Variants in ADARB1 observed in about 807,000 individuals in gnomAD.
ADARB1 encodes the protein double-stranded RNA-specific editase 1.
ADARB1 carries 10 observed loss-of-function variants against 52.4 expected under a neutral mutation model. The ratio of observed to expected loss-of-function variants is 0.19; its 90% CI spans 0.12 to 0.32. ADARB1 has a LOEUF of 0.32. Among genes scored for constraint, ADARB1 ranks in the 10% least tolerant of loss-of-function variants. The pLI is 1.00. For missense variants in ADARB1, 643 were observed against 922.3 expected, an observed-to-expected ratio of 0.70 and a Z score of 3.92; for synonymous variants, 349 against 371.1, an observed-to-expected ratio of 0.94 and a Z score of 0.68.
intron 7 of ADARB1, among the ~76,000 whole-genome samples, chr21:45,184,042 G>A (rs897310527): frequency 6.6e-6 from 1 of 151,978 alleles, no homozygotes; most frequent in South Asian, 2.1e-4. Context: ...CAAATAGAAC[G>A]TTTTATTACA....
Position 45,153,495 on chromosome 21 carries a change from G to T in ADARB1, c.-47-18115G>T, listed in dbSNP as rs115259975. Among the ~76,000 whole-genome samples the T allele has an allele frequency of 4.2e-3, 633 of 152,270 alleles. 5 individuals carry two copies. Among genetic ancestry groups the T allele is most frequent in the African/African-American group, 0.014 (599 of 41,546 alleles). On this transcript the variant is annotated intron_variant, in intron 2 of 10. Coordinates refer to ENST00000348831, the MANE Select transcript of ADARB1 (RefSeq NM_001112.4). The stretch of plus-strand genomic sequence containing the variant: ...CCCCTTAGTGTCCCCCACCCGACAG[G>T]ACTGGAGTACAGCGCTTCACCACCA...
intron 1 of ADARB1, among the ~76,000 whole-genome samples, chr21:45,125,571 G>A (rs1004387581): frequency 1.3e-5 from 2 of 152,244 alleles, no homozygotes; most frequent in African/African-American, 4.8e-5. Context: ...TGCGTTCAAT[G>A]GGCCAGAGCA....
chr21:45,141,580 T>C (rs894118627), intron 2 of ADARB1, among the ~76,000 whole-genome samples: 1 of 152,126 alleles, frequency 6.6e-6, no homozygotes, highest in Admixed American at 6.5e-5. Flanking sequence ...TAGGTTTGAG[T>C]TGTCCTCTGC....
At chr21:45,188,927 C>T (rs1169664439) in intron 8 of ADARB1, among the ~76,000 whole-genome samples, 1 of 152,190 alleles carries the variant, frequency 6.6e-6, no homozygotes, top group Non-Finnish European at 1.5e-5. Context: ...GGGGAGGCCT[C>T]ACAATCATGG....
chr21:45,123,571 C>A (rs933546656), intron 1 of ADARB1, among the ~76,000 whole-genome samples: 1 of 152,210 alleles, frequency 6.6e-6, no homozygotes, highest in African/African-American at 2.4e-5. Context: ...TCCCAAAGTG[C>A]TGGGCTTACA....
intron 3 of ADARB1, chr21:45,171,890 A>G (rs764111661): frequency 2.1e-5 from 12 of 559,818 alleles, no homozygotes; most frequent in African/African-American, 1.2e-4. Flanking sequence ...CTTCCTCGTT[A>G]TCGTCGTGGG....
At position 45,176,172 on chromosome 21, in the gene ADARB1, G is replaced by A; in HGVS notation, c.471G>A (p.Arg157=). 13 of 1,614,192 alleles carry A rather than the reference G, an allele frequency of 8.1e-6. No homozygotes were observed. The highest frequency in any genetic ancestry group is 1.1e-5 in the Non-Finnish European group (13 of 1,180,054). The change falls in exon 4 of 11, where the codon AGG becomes AGA. Residue 157 remains arginine, a synonymous_variant. Coordinates refer to ENST00000348831, the MANE Select transcript of ADARB1 (RefSeq NM_001112.4). The surrounding 1 kb of genome is among the most constrained non-coding windows in gnomAD (Gnocchi z 5.8). ...CTGAGGCCCACCTGGCCATGGGGAG[G>A]ACCCTGTCTGTCAACACGGACTTCA... The part of the protein sequence containing the change: ...NASEAHLAMG[R]TLSVNTDFTS...
chr21:45,128,312 A>G lies in ADARB1; in HGVS notation c.-219-90A>G, dbSNP rs1167126095. 6.6e-6 allele frequency: 1 copy of G among 152,228 alleles called. No individual in the cohort carries two copies. Among genetic ancestry groups the G allele is most frequent in the East Asian group, 1.9e-4 (1 of 5,196 alleles). The allele number at this position is 152,228 out of a possible 1,614,324, so 9.4% of individuals were successfully genotyped here. ...AGAAGACTTTTCATGGAGAGTATTT[A>G]TTGTTATAGAGTTCACTTCTGAAAT... On this transcript the variant is annotated intron_variant, in intron 1 of 10. Transcript: ENST00000348831. This position sits in a 1 kb window ranked among gnomAD's most constrained non-coding sequence, Gnocchi z 4.6.
chr21:45,137,864 C>A (rs1472035012), intron 2 of ADARB1, among the ~76,000 whole-genome samples: 1 of 151,472 alleles, frequency 6.6e-6, no homozygotes, highest in African/African-American at 2.4e-5. Flanking sequence ...GAGGTGGGCA[C>A]CCCAGGCAGG....
intron 9 of ADARB1, among the ~76,000 whole-genome samples, chr21:45,206,118 G>A (rs1448879424): frequency 2.0e-5 from 3 of 152,226 alleles, no homozygotes; most frequent in Non-Finnish European, 4.4e-5. Flanking sequence ...ATTTTGTTGT[G>A]TATTGGTGTG....
rs996718601 is a variant in ADARB1, at chr21:45,221,715, A to T, written c.1927-303A>T. 6.6e-6 allele frequency among the ~76,000 whole-genome samples: 1 copy of T among 152,196 alleles called. No individual in the cohort carries two copies. Among genetic ancestry groups the T allele is most frequent in the Non-Finnish European group, 1.5e-5 (1 of 68,034 alleles). On this transcript the variant is annotated intron_variant, in intron 10 of 10. Transcript: ENST00000348831. This position sits in a 1 kb window ranked among gnomAD's most constrained non-coding sequence, Gnocchi z 4.9. Reference sequence around the variant, plus strand: ...ACACATAACATCCGTGGTGCTTCTTAGAGTTAAAAATGAAACGTGAATCCA... The same window carrying T: ...ACACATAACATCCGTGGTGCTTCTTTGAGTTAAAAATGAAACGTGAATCCA...
rs2092698041 is a variant in ADARB1 at position 45,208,032 on chromosome 21, C to A, written c.1747+3296C>A. 6.6e-6 allele frequency among the ~76,000 whole-genome samples: 1 copy of A among 152,182 alleles called. No homozygotes were observed. The highest frequency in any genetic ancestry group is 1.5e-5 in the Non-Finnish European group (1 of 68,028). ...CCTTTGTGGGTATACACACTTGGTA[C>A]CCTTGCTTAGCACTGTGGAAGAGGA... On this transcript the variant is annotated intron_variant, in intron 9 of 10. Coordinates refer to ENST00000348831, the MANE Select transcript of ADARB1 (RefSeq NM_001112.4). The surrounding 1 kb of genome is among the most constrained non-coding windows in gnomAD (Gnocchi z 5.6).
Position 45,224,936 on chromosome 21 carries a change from ACT to A in ADARB1, c.*2743_*2744del. On this transcript the variant is annotated 3_prime_UTR_variant, in exon 11 of 11. Coordinates refer to ENST00000348831, the MANE Select transcript of ADARB1 (RefSeq NM_001112.4). ...ACTATAGCTGTTTCATTGACGTGTC[ACT>A]CTCCATCCAGTGTCCTTGATGTGGC... The A allele has an allele frequency of 2.0e-6, 2 of 982,814 alleles. No homozygotes were observed. Among genetic ancestry groups the A allele is most frequent in the Non-Finnish European group, 1.2e-6 (1 of 829,644 alleles). 60.9% of individuals were successfully genotyped at this position (982,814 alleles called of 1,614,324 possible). A position where few individuals can be genotyped will look rare whatever the true frequency, so the allele number is the denominator to read the frequency against.
At chr21:45,101,403 T>C (rs891696893) in intron 1 of ADARB1, among the ~76,000 whole-genome samples, 4 of 152,236 alleles carry the variant, frequency 2.6e-5, no homozygotes, top group Admixed American at 6.5e-5. Context: ...AGAGGATCTC[T>C]CCAGACACCT....
intron 1 of ADARB1, among the ~76,000 whole-genome samples, chr21:45,076,027 A>G (rs2085919648): frequency 6.6e-6 from 1 of 152,136 alleles, no homozygotes; most frequent in South Asian, 2.1e-4. Flanking sequence ...TATTGCTTCG[A>G]AAGGTGCCAC....
At chr21:45,162,122 G>A (rs1009071813) in intron 2 of ADARB1, among the ~76,000 whole-genome samples, 2 of 152,304 alleles carry the variant, frequency 1.3e-5, no homozygotes, top group Middle Eastern at 6.8e-3. Context: ...AGGAGAGAAG[G>A]AGAGAAGAGC....
At chr21:45,090,115 A>G (rs1188753695) in intron 1 of ADARB1, among the ~76,000 whole-genome samples, 1 of 152,180 alleles carries the variant, frequency 6.6e-6, no homozygotes, top group Non-Finnish European at 1.5e-5. Context: ...TTTGTCCAAA[A>G]TAATCTTTAT....
At chr21:45,169,179 C>G (rs190038046) in intron 2 of ADARB1, among the ~76,000 whole-genome samples, 3 of 152,138 alleles carry the variant, frequency 2.0e-5, no homozygotes, top group African/African-American at 7.2e-5. Flanking sequence ...TGCACTGTGG[C>G]GTGGGAAGGG....
In ADARB1 at chr21:45,074,791, G is replaced by A. The variant is rs1360735006; in HGVS notation, c.-222G>A. On this transcript the variant is annotated splice_region_variant and 5_prime_UTR_variant, in exon 1 of 11. Coordinates refer to ENST00000348831, the MANE Select transcript of ADARB1 (RefSeq NM_001112.4). The stretch of plus-strand genomic sequence containing the variant: ...GACCAGGCGCGGCGCGGCTGCGGCT[G>A]AGGTGAGGGCGGCGCGGGGCCGCGG... 3.4e-5 allele frequency: 5 copies of A among 147,392 alleles called. No homozygotes were observed. The highest frequency in any genetic ancestry group is 7.4e-5 in the African/African-American group (3 of 40,790). 9.1% of individuals were successfully genotyped at this position (147,392 alleles called of 1,614,324 possible). A position where few individuals can be genotyped will look rare whatever the true frequency, so the allele number is the denominator to read the frequency against.
Sources: allele counts gnomAD v4.1 joint callset (sites outside exome capture counted in the v4.1 genomes callset), GRCh38; gene constraint gnomAD v4.1.1; non-coding constraint Gnocchi (gnomAD v3.1); transcripts MANE v1.5; gene names NCBI Gene and HGNC (gene_info 2026-07-23, HGNC 2026-07-21).